Variants in MFHAS1 observed in about 807,000 individuals in gnomAD.
The protein encoded by MFHAS1 is malignant fibrous histiocytoma-amplified sequence 1.
Under a neutral mutation model 70.4 loss-of-function variants are expected in MFHAS1, and 50 were observed. The observed-to-expected ratio is 0.71, with a 90% CI of 0.57 to 0.90. MFHAS1 has a LOEUF of 0.90. MFHAS1 is among the 40% of genes least tolerant of loss of function. The pLI, the probability that MFHAS1 is intolerant of heterozygous loss-of-function variation, is 0.00. For missense variants in MFHAS1, 1,795 were observed against 1,347.6 expected (o/e 1.33, Z -5.20); for synonymous variants, 952 against 620.0 (o/e 1.54, Z -7.96).
intron 1 of MFHAS1, among the ~76,000 whole-genome samples, chr8:8,857,240 T>G (rs1808478671): frequency 6.6e-6 from 1 of 152,206 alleles, no homozygotes; most frequent in African/African-American, 2.4e-5. Flanking sequence ...GTGGCCCTAT[T>G]GTTTAGTTAC....
chr8:8,891,211 G>A lies in MFHAS1; in HGVS notation c.1848C>T (p.His616=). The A allele has an allele frequency of 6.2e-7, 1 of 1,612,820 alleles. No individual in the cohort carries two copies. The highest frequency in any genetic ancestry group is 1.7e-5 in the Admixed American group (1 of 60,034). Residue 616 remains histidine (H), a synonymous_variant, in exon 1 of 3, where the codon CAC becomes CAT. Transcript: ENST00000276282. The surrounding 1 kb of genome is among the most constrained non-coding windows in gnomAD (Gnocchi z 5.4). ...RKAHFQYLLN[H]RLQILSPVLP... is the part of the protein sequence containing the mutation. Reference sequence around the variant, plus strand: ...ACACGGGGGAGAGGATCTGCAGCCGGTGGTTGAGCAGGTATTGAAAATGGG... The same window carrying A: ...ACACGGGGGAGAGGATCTGCAGCCGATGGTTGAGCAGGTATTGAAAATGGG...
intron 2 of MFHAS1, among the ~76,000 whole-genome samples, chr8:8,788,602 C>T (rs188695062): frequency 1.3e-5 from 2 of 152,328 alleles, no homozygotes; most frequent in African/African-American, 2.4e-5. Context: ...TTGCTTGAAC[C>T]CAGGAGGCGG....
chr8:8,864,522 G>C (rs542890138), intron 1 of MFHAS1, among the ~76,000 whole-genome samples: 2 of 152,310 alleles, frequency 1.3e-5, no homozygotes, highest in African/African-American at 2.4e-5. Context: ...TTTCAGACAA[G>C]TCAAAATGCA....
intron 1 of MFHAS1, among the ~76,000 whole-genome samples, chr8:8,870,610 C>T (rs2116907924): frequency 6.6e-6 from 1 of 152,298 alleles, no homozygotes; most frequent in East Asian, 1.9e-4. Flanking sequence ...CGACTCACCT[C>T]CCCTGGAGAC....
intron 1 of MFHAS1, among the ~76,000 whole-genome samples, chr8:8,832,416 C>A (rs144724779): frequency 1.8e-5 from 2 of 113,878 alleles, no homozygotes; most frequent in African/African-American, 3.1e-5. Context: ...AAAATTAGAA[C>A]AAGATACTTC....
At chr8:8,851,895 T>G (rs1808260373) in intron 1 of MFHAS1, among the ~76,000 whole-genome samples, 1 of 152,192 alleles carries the variant, frequency 6.6e-6, no homozygotes, top group Non-Finnish European at 1.5e-5. Context: ...CTCCATTCTC[T>G]TGGTGACAGA....
chr8:8,827,384 C>T (rs944580520), intron 1 of MFHAS1, among the ~76,000 whole-genome samples: 1 of 152,210 alleles, frequency 6.6e-6, no homozygotes, highest in Non-Finnish European at 1.5e-5. Flanking sequence ...CAGCACTGGT[C>T]AACTCAATAT....
At chr8:8,805,664 C>T (rs886694544) in intron 1 of MFHAS1, among the ~76,000 whole-genome samples, 1 of 152,076 alleles carries the variant, frequency 6.6e-6, no homozygotes, top group Non-Finnish European at 1.5e-5. Context: ...ATTTCCCTTT[C>T]ATGACAACCT....
At chr8:8,790,831 T>C (rs1449423851) in intron 2 of MFHAS1, among the ~76,000 whole-genome samples, 1 of 152,236 alleles carries the variant, frequency 6.6e-6, no homozygotes, top group African/African-American at 2.4e-5. Flanking sequence ...CTGCTTTTTA[T>C]GAAAGGCTAC....
intron 1 of MFHAS1, among the ~76,000 whole-genome samples, chr8:8,880,444 G>A (rs1218812439): frequency 2.0e-5 from 3 of 152,136 alleles, no homozygotes; most frequent in African/African-American, 7.2e-5. Context: ...AGGAAGATGA[G>A]GAAGAAAAGC....
In MFHAS1 at chr8:8,892,816, C is replaced by T. The variant is rs1406541196; in HGVS notation, c.243G>A (p.Gly81=). 4 of 1,591,756 alleles carry T rather than the reference C, an allele frequency of 2.5e-6. No individual in the cohort carries two copies. The highest frequency in any genetic ancestry group is 1.1e-5 in the South Asian group (1 of 88,178). The change falls in exon 1 of 3, where the codon GGG becomes GGA. Residue 81 remains glycine, a synonymous_variant. Transcript: ENST00000276282. This position sits in a 1 kb window ranked among gnomAD's most constrained non-coding sequence, Gnocchi z 4.7. ...GCAGGCTGCCCAGCGCCGACCCCAGCCCCTCGGGTACCTCCTCCAGGCCGT... is the reference window on the plus strand; with the variant it reads ...GCAGGCTGCCCAGCGCCGACCCCAGTCCCTCGGGTACCTCCTCCAGGCCGT... The part of the protein sequence containing the change: ...GNNGLEEVPE[G]LGSALGSLRV...
At chr8:8,816,150 T>A (rs1204996106) in intron 1 of MFHAS1, among the ~76,000 whole-genome samples, 1 of 151,642 alleles carries the variant, frequency 6.6e-6, no homozygotes, top group Non-Finnish European at 1.5e-5. Context: ...CTGCTGGGGG[T>A]GAGGATGGGA....
At chr8:8,833,049 A>G (rs1807465809) in intron 1 of MFHAS1, among the ~76,000 whole-genome samples, 1 of 152,086 alleles carries the variant, frequency 6.6e-6, no homozygotes, top group South Asian at 2.1e-4. Flanking sequence ...GCAACGGGGG[A>G]GCAGGTGTCT....
chr8:8,816,659 A>C (rs1806758488), intron 1 of MFHAS1, among the ~76,000 whole-genome samples: 1 of 152,250 alleles, frequency 6.6e-6, no homozygotes, highest in South Asian at 2.1e-4. Flanking sequence ...GCAAACATGT[A>C]GAAAGTTCTC....
chr8:8,874,331 TACACACACACACACACACACACAC>T (rs35271686), intron 1 of MFHAS1, among the ~76,000 whole-genome samples: 1 of 144,696 alleles, frequency 6.9e-6, no homozygotes, highest in African/African-American at 2.6e-5. Context: ...TATAACATTC[TACACACACACACACACACACACAC>T]ACACACACAC....
rs562738468 is a variant in MFHAS1 at position 8,868,727 on chromosome 8, G to GGTA, written c.2998+21331_2998+21333dup. Among the ~76,000 whole-genome samples the GGTA allele has an allele frequency of 5.3e-5, 8 of 152,188 alleles. No individual in the cohort carries two copies. The East Asian group carries it at 1.2e-3, about 22-fold the overall frequency. The stretch of plus-strand genomic sequence containing the variant: ...TCTGGGAGGCTCCTCTCATAAAGTC[G>GGTA]GTAGTAACCTTAACATAGAAAGAAG... On this transcript the variant is annotated intron_variant, in intron 1 of 2. Coordinates refer to ENST00000276282, the MANE Select transcript of MFHAS1 (RefSeq NM_004225.3).
intron 1 of MFHAS1, among the ~76,000 whole-genome samples, chr8:8,831,128 CAGAG>C (rs1412674916): frequency 6.6e-6 from 1 of 151,698 alleles, no homozygotes. Context: ...CCTCACATGG[CAGAG>C]AGAGACACAG....
chr8:8,791,933 T>C (rs1805732047), intron 2 of MFHAS1, among the ~76,000 whole-genome samples: 1 of 152,186 alleles, frequency 6.6e-6, no homozygotes, highest in Non-Finnish European at 1.5e-5. Flanking sequence ...AACGTGTTTA[T>C]GAGAACCTCT....
At chr8:8,824,245 A>T (rs1314207103) in intron 1 of MFHAS1, among the ~76,000 whole-genome samples, 1 of 151,748 alleles carries the variant, frequency 6.6e-6, no homozygotes, top group South Asian at 2.1e-4. Flanking sequence ...CTGGAGGCCA[A>T]TCTCTCCTCA....
Sources: gnomAD v4.1 joint callset for allele counts (sites outside exome capture counted in the v4.1 genomes callset) on GRCh38, gnomAD v4.1.1 for gene constraint, Gnocchi (gnomAD v3.1) non-coding constraint, MANE v1.5 for transcripts, NCBI Gene and HGNC (gene_info 2026-07-23, HGNC 2026-07-21) for gene names.